Variants in THSD4 observed in about 807,000 individuals in gnomAD.
THSD4 encodes thrombospondin type-1 domain-containing protein 4.
A neutral mutation model predicts 119.0 loss-of-function variants in THSD4; 69 were observed. The observed-to-expected ratio is 0.58, with a 90% CI of 0.48 to 0.71. THSD4 has a LOEUF of 0.71. THSD4 is among the 30% of genes least tolerant of loss of function. THSD4 has a pLI of 0.00. For synonymous variants in THSD4, 524 were observed against 540.4 expected (o/e 0.97, Z 0.42); for missense variants, 1,393 against 1,391.1 (o/e 1.00, Z -0.02).
At chr15:71,370,057 G>GTT (rs200395477) in intron 6 of THSD4, among the ~76,000 whole-genome samples, 13 of 151,990 alleles carry the variant, frequency 8.6e-5, no homozygotes, top group East Asian at 3.9e-4. Flanking sequence ...AGATTTTCTA[G>GTT]TTTTTTTGTG....
chr15:71,407,978 G>C (rs1158276819), intron 6 of THSD4, among the ~76,000 whole-genome samples: 1 of 152,092 alleles, frequency 6.6e-6, no homozygotes, highest in African/African-American at 2.4e-5. Context: ...GTTCCTTTTG[G>C]AGGCAGGGAG....
intron 8 of THSD4, among the ~76,000 whole-genome samples, chr15:71,718,057 G>A (rs1235038114): frequency 6.6e-6 from 1 of 151,928 alleles, no homozygotes; most frequent in East Asian, 1.9e-4. Flanking sequence ...GCTAAGGTAG[G>A]AGAATTGCTT....
chr15:71,245,834 G>A (rs1382181864), intron 5 of THSD4, among the ~76,000 whole-genome samples: 2 of 152,176 alleles, frequency 1.3e-5, no homozygotes, highest in African/African-American at 4.8e-5. Context: ...GAACTGCCCT[G>A]AAATCCAAGT....
intron 6 of THSD4, among the ~76,000 whole-genome samples, chr15:71,399,806 A>G (rs1023552855): frequency 2.1e-4 from 32 of 152,340 alleles, no homozygotes; most frequent in African/African-American, 7.5e-4. Context: ...CATGTCCATC[A>G]GCCTTTGTTT....
intron 7 of THSD4, among the ~76,000 whole-genome samples, chr15:71,614,462 G>A (rs1284080887): frequency 6.6e-6 from 1 of 152,166 alleles, no homozygotes; most frequent in Admixed American, 6.5e-5. Flanking sequence ...TCCATCTTCT[G>A]TGTGCAACGT....
In THSD4 at chr15:71,696,244, G is replaced by A. The variant is rs540600709; in HGVS notation, c.1358-32305G>A. 2.0e-4 allele frequency among the ~76,000 whole-genome samples: 30 copies of A among 152,304 alleles called. 1 individual carries two copies. In the South Asian group the frequency reaches 4.8e-3, roughly 24 times the overall value. The stretch of plus-strand genomic sequence containing the variant: ...GGCCGTGGTTTTGGTGAGGGCTTTC[G>A]TGCTATGTCACAACATGGTGGAGAA... On this transcript the variant is annotated intron_variant, in intron 8 of 17. Coordinates refer to ENST00000261862, the MANE Select transcript of THSD4 (RefSeq NM_024817.3).
intron 6 of THSD4, among the ~76,000 whole-genome samples, chr15:71,409,113 C>T (rs7172574): frequency 0.2 from 30,026 of 150,680 alleles, 3,175 homozygotes; most frequent in Admixed American, 0.25. Flanking sequence ...TGTGGCCATT[C>T]GGAGATTCTG....
intron 7 of THSD4, among the ~76,000 whole-genome samples, chr15:71,555,094 A>G (rs372624660): frequency 2.0e-5 from 3 of 152,132 alleles, no homozygotes; most frequent in Admixed American, 6.5e-5. Context: ...AGAATATGCT[A>G]TTTGGGCCAG....
In THSD4 at chr15:71,145,142, T is replaced by C. The variant is rs1380945453; in HGVS notation, c.29+3586T>C. On this transcript the variant is annotated intron_variant, in intron 2 of 17. Coordinates refer to ENST00000261862, the MANE Select transcript of THSD4 (RefSeq NM_024817.3). ...CCTGACCTGGCCAGCCAACAAAATCTCTGGAGCCAGTCTGCTTGACCAGGT... is the reference window on the plus strand; with the variant it reads ...CCTGACCTGGCCAGCCAACAAAATCCCTGGAGCCAGTCTGCTTGACCAGGT... Among the ~76,000 whole-genome samples the C allele has an allele frequency of 3.3e-5, 5 of 152,250 alleles. No individual in the cohort carries two copies. The South Asian group carries it at 6.2e-4, about 19-fold the overall frequency.
intron 8 of THSD4, among the ~76,000 whole-genome samples, chr15:71,685,307 C>G (rs779239991): frequency 2.0e-5 from 3 of 151,702 alleles, no homozygotes; most frequent in Non-Finnish European, 2.9e-5. Flanking sequence ...TCTCAGGACC[C>G]TTTTCTCCTC....
At chr15:71,649,066 A>G (rs917215387) in intron 7 of THSD4, among the ~76,000 whole-genome samples, 1 of 152,130 alleles carries the variant, frequency 6.6e-6, no homozygotes, top group Non-Finnish European at 1.5e-5. Context: ...GTAGAAAAGA[A>G]ATTTTTGTTA....
At chr15:71,268,767 A>T (rs1197708125) in intron 6 of THSD4, among the ~76,000 whole-genome samples, 1 of 152,164 alleles carries the variant, frequency 6.6e-6, no homozygotes, top group African/African-American at 2.4e-5. Context: ...GACACAATAA[A>T]AAATTATAAA....
At chr15:71,514,296 A>G (rs1053430119) in intron 7 of THSD4, among the ~76,000 whole-genome samples, 1 of 152,230 alleles carries the variant, frequency 6.6e-6, no homozygotes, top group African/African-American at 2.4e-5. Flanking sequence ...TGTGATGGAA[A>G]GAGGCCCTTC....
Position 71,746,885 on chromosome 15 carries a change from G to C in THSD4, c.2084G>C (p.Gly695Ala). Residue 695 changes from glycine to alanine, a missense_variant, in exon 13 of 18, where the codon GGC becomes GCC. Gly to Ala is a moderately conservative substitution (Grantham distance 60). Transcript: ENST00000261862. ...GAGTGCAGCAAGACCTGTGGCCTGG[G>C]CATGCAGCACCGCCAGGTTCTGTGC... ...WSECSKTCGLGMQHRQVLCRQ... is the reference protein window; with the variant it reads ...WSECSKTCGLAMQHRQVLCRQ... The C allele has an allele frequency of 1.2e-6, 2 of 1,614,054 alleles. No individual in the cohort carries two copies. Among genetic ancestry groups the C allele is most frequent in the Non-Finnish European group, 1.7e-6 (2 of 1,180,036 alleles).
intron 8 of THSD4, among the ~76,000 whole-genome samples, chr15:71,668,247 C>G (rs562296131): frequency 6.6e-6 from 1 of 152,272 alleles, no homozygotes; most frequent in African/African-American, 2.4e-5. Flanking sequence ...AGCGATTTAA[C>G]TAAAAGATGT....
chr15:71,517,256 GCT>G lies in THSD4; in HGVS notation c.1152+105441_1152+105442del, dbSNP rs1004728628. Among the ~76,000 whole-genome samples, 5 of 152,058 alleles carry G rather than the reference GCT, an allele frequency of 3.3e-5. No individual in the cohort carries two copies. In the East Asian group the frequency reaches 9.6e-4, roughly 29 times the overall value. On this transcript the variant is annotated intron_variant, in intron 7 of 17. Transcript: ENST00000261862. ...GATCACTTCAGTCTGCTCTAAACCAGCTCTCTCTCAGGGCTGTCTCTTCTTCC... is the reference window on the plus strand; with the variant it reads ...GATCACTTCAGTCTGCTCTAAACCAGCTCTCTCAGGGCTGTCTCTTCTTCC...
intron 7 of THSD4, among the ~76,000 whole-genome samples, chr15:71,610,813 T>C (rs1225540045): frequency 3.3e-5 from 5 of 152,106 alleles, no homozygotes; most frequent in Non-Finnish European, 7.4e-5. Context: ...AGATATAAAT[T>C]GGAGGGAAGC....
intron 6 of THSD4, chr15:71,341,085 CTA>C: frequency 9.1e-7 from 1 of 1,095,242 alleles, no homozygotes; most frequent in South Asian, 1.4e-5. Context: ...CTTTTCTTTT[CTA>C]TTGTCTCTTC....
chr15:71,558,581 A>G (rs947941966), intron 7 of THSD4, among the ~76,000 whole-genome samples: 3 of 151,952 alleles, frequency 2.0e-5, no homozygotes, highest in Non-Finnish European at 4.4e-5. Context: ...TGATCCTTCC[A>G]CCTCAGCTTC....
Sources: gnomAD v4.1 joint callset for allele counts (sites outside exome capture counted in the v4.1 genomes callset) on GRCh38, gnomAD v4.1.1 for gene constraint, MANE v1.5 for transcripts, NCBI Gene and HGNC (gene_info 2026-07-23, HGNC 2026-07-21) for gene names.